SLC6A14: variants seen among roughly 807,000 people sequenced by gnomAD.
SLC6A14 encodes sodium- and chloride-dependent neutral and basic amino acid transporter B(0+).
Under a neutral mutation model 51.4 loss-of-function variants are expected in SLC6A14, and 21 were observed. The observed-to-expected ratio is 0.41, with a 90% CI of 0.29 to 0.59. The LOEUF is 0.59. Among genes scored for constraint, SLC6A14 ranks in the 20% least tolerant of loss-of-function variants. SLC6A14 has a pLI of 0.31. For missense variants in SLC6A14, 371 were observed against 472.8 expected, an observed-to-expected ratio of 0.78 and a Z score of 2.00; for synonymous variants, 177 against 160.7, an observed-to-expected ratio of 1.10 and a Z score of -0.77.
At chrX:116,439,788 A>T (rs940801094) in intron 2 of SLC6A14, among the ~76,000 whole-genome samples, 2 of 110,880 alleles carry the variant, frequency 1.8e-5, no homozygotes, top group Non-Finnish European at 3.8e-5. Context: ...CATAGTAAAG[A>T]TGGTATGTAC....
At chrX:116,458,669 C>A (rs1389006179) in intron 13 of SLC6A14, 140 bp from the exon 14 acceptor site, 3 of 477,381 alleles carry the variant, frequency 6.3e-6, no homozygotes, top group African/African-American at 2.5e-5. Context: ...TTTAGATGAA[C>A]ACTTTTTAGT....
At chrX:116,449,308 C>T (rs1354356632) in intron 7 of SLC6A14, among the ~76,000 whole-genome samples, 1 of 111,538 alleles carries the variant, frequency 9.0e-6, no homozygotes, top group Non-Finnish European at 1.9e-5. Context: ...AATTTCTCTT[C>T]CCTTTTGTTT....
intron 7 of SLC6A14, among the ~76,000 whole-genome samples, chrX:116,450,789 A>G: frequency 9.0e-6 from 1 of 111,598 alleles, no homozygotes; most frequent in East Asian, 2.8e-4. Context: ...ATACAAAAAA[A>G]TTAGCTGGAT....
At chrX:116,458,593 A>G (rs1457394108) in intron 13 of SLC6A14, among the ~76,000 whole-genome samples, 2 of 111,810 alleles carry the variant, frequency 1.8e-5, no homozygotes, top group Admixed American at 9.5e-5. Context: ...TAGTTAATAT[A>G]CTTCTATTAA....
Position 116,461,056 on chromosome X carries a change from A to G in SLC6A14, c.*2101A>G, listed in dbSNP as rs1159872370. On this transcript the variant is annotated 3_prime_UTR_variant, in exon 14 of 14. Coordinates refer to ENST00000598581, the MANE Select transcript of SLC6A14 (RefSeq NM_007231.5). ...CATTCTACCACTACATTTTGGTGCT[A>G]TTTAAGGTGTGCAATTTTCTATAGG... 8 of 111,889 alleles carry G rather than the reference A, an allele frequency of 7.1e-5. No homozygotes were observed. Among genetic ancestry groups the G allele is most frequent in the Non-Finnish European group, 1.9e-5 (1 of 53,231 alleles). The allele number at this position is 111,889 out of a possible 1,213,427, so 9.2% of individuals were successfully genotyped here. A position where few individuals can be genotyped will look rare whatever the true frequency, so the allele number is the denominator to read the frequency against.
intron 3 of SLC6A14, 49 bp downstream of exon 3, chrX:116,441,146 C>T: frequency 8.6e-7 from 1 of 1,167,108 alleles, no homozygotes; most frequent in Non-Finnish European, 1.2e-6. Context: ...CTTCACCATG[C>T]TTTTTTGTAT....
chrX:116,446,347 A>G (rs1556694024), intron 6 of SLC6A14, among the ~76,000 whole-genome samples: 3 of 111,977 alleles, frequency 2.7e-5, no homozygotes, highest in East Asian at 2.8e-4. Flanking sequence ...GACTGAATAT[A>G]TATTAACCAA....
At chrX:116,444,743 C>T (rs1927670387) in intron 5 of SLC6A14, among the ~76,000 whole-genome samples, 175 bp from the exon 6 acceptor site, 1 of 111,320 alleles carries the variant, frequency 9.0e-6, no homozygotes, top group Non-Finnish European at 1.9e-5. Flanking sequence ...ATTTAATAAA[C>T]TATCTGTGCC....
intron 12 of SLC6A14, 36 bp downstream of exon 12, chrX:116,455,502 A>G: frequency 1.2e-6 from 1 of 857,789 alleles, no homozygotes. Context: ...GATTTCGATA[A>G]TACATATGTT....
In SLC6A14 at chrX:116,454,988, C is replaced by T. The variant is rs1927899456; in HGVS notation, c.1416C>T (p.Tyr472=). ...GLVCVTQAGI[Y]WVHLIDHFCA... ...CATTTTTTTGGTAGGCTGGAATTTA[C>T]TGGGTTCATCTGATTGACCACTTCT... Residue 472 remains tyrosine, a synonymous_variant, in exon 11 of 14, where the codon TAC becomes TAT. Coordinates refer to ENST00000598581, the MANE Select transcript of SLC6A14 (RefSeq NM_007231.5). The T allele has an allele frequency of 8.4e-7, 1 of 1,196,303 alleles. No individual in the cohort carries two copies. The highest frequency in any genetic ancestry group is 3.0e-5 in the East Asian group (1 of 33,502).
rs146252872 is a variant in SLC6A14 at position 116,442,995 on chromosome X, A to G, written c.508+147A>G. 91 of 401,659 alleles carry G rather than the reference A, an allele frequency of 2.3e-4. No homozygotes were observed. In the South Asian group the frequency reaches 2.5e-3, roughly 11 times the overall value. 33.1% of individuals were successfully genotyped at this position (401,659 alleles called of 1,213,427 possible). A position where few individuals can be genotyped will look rare whatever the true frequency, so the allele number is the denominator to read the frequency against. On this transcript the variant is annotated intron_variant, in intron 4 of 13. Transcript: ENST00000598581. ...CAGAAGATAGCATATATAATCAGAA[A>G]AATGATTAATACAATGTATTAATCT... is the stretch of plus-strand genomic sequence containing the variant.
At chrX:116,449,140 A>C (rs1250779731) in intron 7 of SLC6A14, among the ~76,000 whole-genome samples, 1 of 111,572 alleles carries the variant, frequency 9.0e-6, no homozygotes, top group Non-Finnish European at 1.9e-5. Context: ...TAACTCCCTC[A>C]TTTTACAGTG....
chrX:116,458,992 A>AT lies in SLC6A14; in HGVS notation c.*45dup, dbSNP rs782117567. 3.7e-5 allele frequency: 41 copies of AT among 1,106,837 alleles called. No homozygotes were observed. Among genetic ancestry groups the AT allele is most frequent in the African/African-American group, 9.3e-5 (5 of 54,021 alleles). 91.2% of individuals were successfully genotyped at this position (1,106,837 alleles called of 1,213,427 possible). ...AAAAAATATATGATTGTATAATGTG[A>AT]TTTTTTTTAGAATAGGGGGAACCTT... On this transcript the variant is annotated 3_prime_UTR_variant, in exon 14 of 14. Transcript: ENST00000598581.
At chrX:116,453,844 A>G (rs1927871297) in intron 9 of SLC6A14, among the ~76,000 whole-genome samples, 1 of 111,032 alleles carries the variant, frequency 9.0e-6, no homozygotes, top group African/African-American at 3.3e-5. Flanking sequence ...TAAAATCTAG[A>G]CTTTTCTGGT....
chrX:116,439,803 C>T (rs1184090035), intron 2 of SLC6A14, among the ~76,000 whole-genome samples: 4 of 110,496 alleles, frequency 3.6e-5, no homozygotes, highest in Non-Finnish European at 7.6e-5. Context: ...ATGTACATTG[C>T]AACATCTATA....
intron 5 of SLC6A14, among the ~76,000 whole-genome samples, chrX:116,444,008 G>T (rs1556693836): frequency 9.0e-6 from 1 of 111,636 alleles, no homozygotes; most frequent in Non-Finnish European, 1.9e-5. Flanking sequence ...TTATAAATTA[G>T]TTATTAAATG....
intron 13 of SLC6A14, among the ~76,000 whole-genome samples, chrX:116,458,235 C>A (rs192197897): frequency 7.2e-4 from 81 of 111,870 alleles, no homozygotes; most frequent in Admixed American, 4.6e-3. Flanking sequence ...CGAACCCAAT[C>A]TAGAGCCTGA....
Position 116,437,968 on chromosome X carries a change from A to ACGGGGGGGCCC in SLC6A14, c.214+14_214+15insGGGGGGGCCCC. Reference sequence around the variant, plus strand: ...AGCAATGGTGGAGGTATTCTATTTCACCCCCACCCTCCCACCCCCGCTTTT... The same window carrying ACGGGGGGGCCC: ...AGCAATGGTGGAGGTATTCTATTTCACGGGGGGGCCCCCCCCACCCTCCCACCCCCGCTTTT... On this transcript the variant is annotated intron_variant, in intron 2 of 13. Coordinates refer to ENST00000598581, the MANE Select transcript of SLC6A14 (RefSeq NM_007231.5). The ACGGGGGGGCCC allele has an allele frequency of 8.9e-7, 1 of 1,122,172 alleles. No individual in the cohort carries two copies. The highest frequency in any genetic ancestry group is 1.2e-6 in the Non-Finnish European group (1 of 840,391). 92.5% of individuals were successfully genotyped at this position (1,122,172 alleles called of 1,213,427 possible).
chrX:116,442,742 C>T lies in SLC6A14; in HGVS notation c.402C>T (p.Val134=). The T allele has an allele frequency of 1.7e-6, 2 of 1,176,983 alleles. No individual in the cohort carries two copies. Among genetic ancestry groups the T allele is most frequent in the Admixed American group, 2.5e-5 (1 of 40,342 alleles). The part of the protein sequence containing the change: ...ISIFVTIYYN[V]IIAYSLYYMF... ...TTTTTGTGACAATCTATTACAATGTCATAATTGCCTATAGTCTTTACTACA... is the reference window on the plus strand; with the variant it reads ...TTTTTGTGACAATCTATTACAATGTTATAATTGCCTATAGTCTTTACTACA... Residue 134 remains valine, a synonymous_variant, in exon 4 of 14, where the codon GTC becomes GTT. Transcript: ENST00000598581.
Sources: allele counts gnomAD v4.1 joint callset (sites outside exome capture counted in the v4.1 genomes callset), GRCh38; gene constraint gnomAD v4.1.1; transcripts MANE v1.5; gene names NCBI Gene and HGNC (gene_info 2026-07-23, HGNC 2026-07-21).